Variants in TMEM132D observed in about 807,000 individuals in gnomAD.
The protein encoded by TMEM132D is transmembrane protein 132D.
TMEM132D carries 21 observed loss-of-function variants against 62.3 expected under a neutral mutation model. The observed-to-expected ratio is 0.34, with a 90% CI of 0.24 to 0.49. The LOEUF is 0.49. Among genes scored for constraint, TMEM132D ranks in the 20% least tolerant of loss-of-function variants. The pLI is 0.99. For synonymous variants in TMEM132D, 621 were observed against 575.6 expected (o/e 1.08, Z -1.13); for missense variants, 1,346 against 1,402.8 (o/e 0.96, Z 0.65).
intron 5 of TMEM132D, among the ~76,000 whole-genome samples, chr12:129,188,102 G>C (rs945983451): frequency 2.0e-5 from 3 of 152,202 alleles, no homozygotes; most frequent in Non-Finnish European, 2.9e-5. Flanking sequence ...GAACTCTGCA[G>C]CTTCTTCCAA....
intron 3 of TMEM132D, among the ~76,000 whole-genome samples, chr12:129,456,709 A>G (rs1040979930): frequency 1.3e-5 from 2 of 152,046 alleles, no homozygotes; most frequent in East Asian, 3.9e-4. Flanking sequence ...TTGTTTCTCT[A>G]TTGATTCCTC....
intron 3 of TMEM132D, among the ~76,000 whole-genome samples, chr12:129,373,254 T>C (rs2135681897): frequency 6.6e-6 from 1 of 152,230 alleles, no homozygotes; most frequent in Middle Eastern, 3.4e-3. Flanking sequence ...ATTCCAATAA[T>C]AACTGCATTT....
chr12:129,766,334 G>A (rs1870554446), intron 1 of TMEM132D, among the ~76,000 whole-genome samples: 4 of 152,164 alleles, frequency 2.6e-5, no homozygotes, highest in Admixed American at 2.6e-4. Flanking sequence ...AGAATTCTAT[G>A]TGCGTGTAAC....
intron 2 of TMEM132D, among the ~76,000 whole-genome samples, chr12:129,570,906 T>C (rs1182503579): frequency 1.3e-5 from 2 of 152,102 alleles, no homozygotes; most frequent in Non-Finnish European, 2.9e-5. Context: ...TAGTAAACAA[T>C]GACTCGTCTG....
rs746315309 is a variant in TMEM132D at position 129,842,097 on chromosome 12, A to ATT, written c.79+61162_79+61163dup. Among the ~76,000 whole-genome samples the ATT allele has an allele frequency of 9.1e-3, 891 of 97,396 alleles. 16 individuals carry two copies. The highest frequency in any genetic ancestry group is 0.03 in the African/African-American group (730 of 24,144). The allele number at this position is 97,396 out of a possible 152,430, so 63.9% of individuals were successfully genotyped here. ...AGGCGCCCACCACCACGCCCGGCTA[A>ATT]TTTTTTTTTTTTTTTTTTTTTTTTG... On this transcript the variant is annotated intron_variant, in intron 1 of 8. Transcript: ENST00000422113.
chr12:129,680,200 C>T (rs1282232778), intron 2 of TMEM132D, among the ~76,000 whole-genome samples: 5 of 152,166 alleles, frequency 3.3e-5, no homozygotes, highest in Non-Finnish European at 5.9e-5. Flanking sequence ...ATTTCTTCCA[C>T]GCGCTTGGAT....
chr12:129,750,082 TA>T (rs1202119998), intron 1 of TMEM132D, among the ~76,000 whole-genome samples: 1 of 151,996 alleles, frequency 6.6e-6, no homozygotes, highest in East Asian at 1.9e-4. Context: ...GGATGCCCTT[TA>T]TTTTTTTATT....
intron 2 of TMEM132D, among the ~76,000 whole-genome samples, chr12:129,543,344 G>A (rs756801818): frequency 3.3e-5 from 5 of 149,588 alleles, no homozygotes; most frequent in East Asian, 4.0e-4. Flanking sequence ...ATGAGTGGGC[G>A]GGTGGATGAG....
At chr12:129,868,844 G>A (rs1240284774) in intron 1 of TMEM132D, among the ~76,000 whole-genome samples, 1 of 152,066 alleles carries the variant, frequency 6.6e-6, no homozygotes, top group Non-Finnish European at 1.5e-5. Flanking sequence ...AGCCAGGTTC[G>A]GAGGTGCCTC....
intron 2 of TMEM132D, among the ~76,000 whole-genome samples, chr12:129,692,493 T>A (rs1445780287): frequency 6.6e-6 from 1 of 152,242 alleles, no homozygotes; most frequent in Non-Finnish European, 1.5e-5. Flanking sequence ...TCTGGGTATA[T>A]ACCCAAAGGA....
chr12:129,081,373 G>A (rs1047437117), intron 7 of TMEM132D, among the ~76,000 whole-genome samples: 4 of 152,112 alleles, frequency 2.6e-5, no homozygotes, highest in African/African-American at 4.8e-5. Flanking sequence ...ATCTCAGATC[G>A]CTGCAACCTC....
chr12:129,749,827 C>T (rs909236195), intron 1 of TMEM132D, among the ~76,000 whole-genome samples: 14 of 152,270 alleles, frequency 9.2e-5, no homozygotes, highest in African/African-American at 3.4e-4. Context: ...GTAGACCTGG[C>T]TCACGGTACT....
At chr12:129,583,372 T>C (rs747457846) in intron 2 of TMEM132D, among the ~76,000 whole-genome samples, 2 of 152,116 alleles carry the variant, frequency 1.3e-5, no homozygotes, top group Admixed American at 6.5e-5. Context: ...AATGACAACA[T>C]GAAGGAAGTT....
rs919975716 is a variant in TMEM132D at position 129,191,878 on chromosome 12, G to A, written c.1443+17642C>T. ...GTTACTGCTTAATCTCCAGCACTCT[G>A]ATCAGTGGCTTGCATGTATCAGAAA... On this transcript the variant is annotated intron_variant, in intron 5 of 8. Coordinates refer to ENST00000422113, the MANE Select transcript of TMEM132D (RefSeq NM_133448.3). Among the ~76,000 whole-genome samples the A allele has an allele frequency of 2.6e-5, 4 of 152,178 alleles. No individual in the cohort carries two copies. The East Asian group carries it at 7.7e-4, about 29-fold the overall frequency.
chr12:129,602,612 G>A (rs1878510567), intron 2 of TMEM132D, among the ~76,000 whole-genome samples: 1 of 152,260 alleles, frequency 6.6e-6, no homozygotes, highest in African/African-American at 2.4e-5. Flanking sequence ...TATGACTTTT[G>A]TTTTCAACAG....
At chr12:129,275,943 A>G (rs1269070620) in intron 4 of TMEM132D, among the ~76,000 whole-genome samples, 1 of 152,198 alleles carries the variant, frequency 6.6e-6, no homozygotes, top group East Asian at 1.9e-4. Context: ...GTAGATAGGA[A>G]CAGCGTGGGC....
At chr12:129,266,083 T>G (rs78543588) in intron 4 of TMEM132D, among the ~76,000 whole-genome samples, 13,770 of 152,180 alleles carry the variant, frequency 0.09, 775 homozygotes, top group Admixed American at 0.17. Context: ...CTCCTCTATG[T>G]AGACTTCTCT....
chr12:129,297,419 G>A (rs540667547), intron 4 of TMEM132D, among the ~76,000 whole-genome samples: 3 of 152,188 alleles, frequency 2.0e-5, no homozygotes, highest in Non-Finnish European at 2.9e-5. Context: ...GGGATTTACA[G>A]GAAAGATATT....
chr12:129,222,234 A>C (rs931821741), intron 4 of TMEM132D, among the ~76,000 whole-genome samples: 3 of 152,218 alleles, frequency 2.0e-5, no homozygotes, highest in African/African-American at 7.2e-5. Flanking sequence ...CTGGCTTCTC[A>C]AAGCCATTGA....
Sources: gnomAD v4.1 joint callset for allele counts (sites outside exome capture counted in the v4.1 genomes callset) on GRCh38, gnomAD v4.1.1 for gene constraint, MANE v1.5 for transcripts, NCBI Gene and HGNC (gene_info 2026-07-23, HGNC 2026-07-21) for gene names.